The following USP8 variants were observed in gnomAD, a reference collection of about 807,000 sequenced individuals.
USP8 encodes ubiquitin specific peptidase 8.
A neutral mutation model predicts 130.0 loss-of-function variants in USP8; 27 were observed. That is an observed-to-expected ratio of 0.21 (90% CI 0.15 to 0.29). USP8 has a LOEUF of 0.29. USP8 is among the 10% of genes least tolerant of loss of function. USP8 has a pLI of 1.00. For missense variants in USP8, 1,029 were observed against 1,312.2 expected (o/e 0.78, Z 3.33); for synonymous variants, 392 against 444.1 (o/e 0.88, Z 1.48).
chr15:50,484,283 G>A lies in USP8; in HGVS notation c.1812G>A (p.Lys604=), dbSNP rs1161720705. The change falls in exon 12 of 20, where the codon AAG becomes AAA. Residue 604 remains lysine, a synonymous_variant. Coordinates refer to ENST00000307179, the MANE Select transcript of USP8 (RefSeq NM_005154.5). The part of the protein sequence containing the change: ...TGDSGSGKPF[K]IKGQPESGIL... ...TTTTAATAATTTTACAGCCATTTAA[G>A]ATTAAAGGACAACCAGAAAGTGGAA... The A allele has an allele frequency of 1.3e-5, 21 of 1,608,998 alleles. No homozygotes were observed. The highest frequency in any genetic ancestry group is 1.8e-5 in the Non-Finnish European group (21 of 1,178,016).
chr15:50,452,885 G>GT (rs1414024339), intron 4 of USP8, among the ~76,000 whole-genome samples: 3 of 152,148 alleles, frequency 2.0e-5, no homozygotes, highest in Admixed American at 1.3e-4. Flanking sequence ...TTCTTGTTCT[G>GT]TAACACCTTT....
chr15:50,459,047 A>C lies in USP8; in HGVS notation c.383A>C (p.Gln128Pro). The C allele has an allele frequency of 6.2e-7, 1 of 1,613,958 alleles. No homozygotes were observed. Among genetic ancestry groups the C allele is most frequent in the Non-Finnish European group, 8.5e-7 (1 of 1,180,028 alleles). ...VRKKLEEKDR[Q>P]EEAQRLQQKR... The stretch of plus-strand genomic sequence containing the variant: ...AAAAAACTTGAGGAAAAAGACAGGC[A>C]GGAGGAAGCACAGCGGCTACAACAA... The change falls in exon 5 of 20, where the codon CAG becomes CCG. Residue 128 changes from glutamine to proline, a missense_variant. Physicochemically the swap from Gln to Pro is moderately conservative, Grantham distance 76 (BLOSUM62 -1). Around this residue, in one of 4 missense-constraint regions of USP8, gnomAD observed 281 missense variants for 336.7 expected, o/e 0.83. Transcript: ENST00000307179.
intron 4 of USP8, 138 bp from the exon 5 acceptor site, chr15:50,458,862 T>G (rs1483882637): frequency 7.3e-6 from 7 of 960,350 alleles, no homozygotes; most frequent in Non-Finnish European, 1.1e-5. Context: ...GTGGCAGATG[T>G]GTGAATTGTG....
At chr15:50,462,927 T>C (rs554304346) in intron 6 of USP8, among the ~76,000 whole-genome samples, 1 of 151,360 alleles carries the variant, frequency 6.6e-6, no homozygotes, top group East Asian at 1.9e-4. Flanking sequence ...GACTAAATTA[T>C]TTAACAGTCA....
intron 14 of USP8, among the ~76,000 whole-genome samples, chr15:50,492,012 C>A (rs879942515): frequency 6.6e-6 from 1 of 152,136 alleles, no homozygotes; most frequent in Non-Finnish European, 1.5e-5. Flanking sequence ...TAGACGTCCA[C>A]TATCATGCCC....
intron 4 of USP8, among the ~76,000 whole-genome samples, chr15:50,457,634 AGGT>A (rs1212026957): frequency 1.3e-5 from 2 of 151,472 alleles, no homozygotes; most frequent in African/African-American, 4.8e-5. Context: ...AGGCTGAGGC[AGGT>A]GGGTCACCTG....
At chr15:50,493,426 C>T in intron 15 of USP8, 1 of 519,006 alleles carries the variant, frequency 1.9e-6, no homozygotes, top group South Asian at 1.4e-5. Context: ...CCAGAAAAGT[C>T]AAATTAGGAA....
At chr15:50,453,661 C>T (rs967690370) in intron 4 of USP8, among the ~76,000 whole-genome samples, 4 of 152,088 alleles carry the variant, frequency 2.6e-5, no homozygotes, top group African/African-American at 9.7e-5. Flanking sequence ...TTTATCTTTA[C>T]TGACTGTGGG....
At chr15:50,483,794 CAA>C (rs879692059) in intron 11 of USP8, among the ~76,000 whole-genome samples, 11 of 107,986 alleles carry the variant, frequency 1.0e-4, no homozygotes, top group African/African-American at 1.0e-4. Flanking sequence ...ACTCGGTCTC[CAA>C]AAAAAAAAAA....
At position 50,510,498 on chromosome 15, in the gene USP8, A is replaced by G. The variant is rs2052722105; in HGVS notation, c.*11410A>G. On this transcript the variant is annotated 3_prime_UTR_variant, in exon 20 of 20. Coordinates refer to ENST00000307179, the MANE Select transcript of USP8 (RefSeq NM_005154.5). ...AAAAAAAAAAACCTTGTGACAATTG[A>G]TATTTGAATATGAATCTATGAATAT... The G allele has an allele frequency of 6.6e-6, 1 of 152,070 alleles. No individual in the cohort carries two copies. Among genetic ancestry groups the G allele is most frequent in the African/African-American group, 2.4e-5 (1 of 41,414 alleles). The allele number at this position is 152,070 out of a possible 1,614,324, so 9.4% of individuals were successfully genotyped here. A position where few individuals can be genotyped will look rare whatever the true frequency, so the allele number is the denominator to read the frequency against.
At chr15:50,428,369 G>A (rs149134323) in intron 1 of USP8, among the ~76,000 whole-genome samples, 35 of 151,818 alleles carry the variant, frequency 2.3e-4, no homozygotes, top group African/African-American at 7.7e-4. Flanking sequence ...CACCTGCCTC[G>A]GCCTCCCAAA....
At chr15:50,436,050 C>G (rs2141250474) in intron 1 of USP8, among the ~76,000 whole-genome samples, 1 of 152,130 alleles carries the variant, frequency 6.6e-6, no homozygotes, top group East Asian at 1.9e-4. Flanking sequence ...TTTTCCCTAT[C>G]TAGTTTGTCA....
At chr15:50,495,475 G>A (rs1347912485) in intron 16 of USP8, among the ~76,000 whole-genome samples, 1 of 129,516 alleles carries the variant, frequency 7.7e-6, no homozygotes, top group Non-Finnish European at 1.6e-5. Flanking sequence ...TCTTTTTTTA[G>A]TAGAGATTGG....
chr15:50,492,120 C>T (rs2052197516), intron 14 of USP8, among the ~76,000 whole-genome samples: 1 of 152,054 alleles, frequency 6.6e-6, no homozygotes, highest in Non-Finnish European at 1.5e-5. Flanking sequence ...CCTCGGCCTC[C>T]CAAAGTGGTG....
In USP8 at chr15:50,465,185, G is replaced by T. The variant is rs747318682; in HGVS notation, c.680G>T (p.Ser227Ile). ...CTCAGTGTTCCTGAAGAAGCCATCAGTCCAGGGTGGGTTATTGTGTAGTAA... is the reference window on the plus strand; with the variant it reads ...CTCAGTGTTCCTGAAGAAGCCATCATTCCAGGGTGGGTTATTGTGTAGTAA... ...HSLSVPEEAISPGVTASWIEA... is the reference protein window; with the variant it reads ...HSLSVPEEAIIPGVTASWIEA... The change falls in exon 7 of 20, where the codon AGT (serine) becomes ATT (isoleucine). Residue 227 changes from serine (S) to isoleucine (I), a missense_variant. Coordinates refer to ENST00000307179, the MANE Select transcript of USP8 (RefSeq NM_005154.5). 3 of 1,613,464 alleles carry T rather than the reference G, an allele frequency of 1.9e-6. No homozygotes were observed. In the South Asian group the frequency reaches 3.3e-5, roughly 18 times the overall value.
At chr15:50,484,623 A>G (rs914338646) in intron 12 of USP8, among the ~76,000 whole-genome samples, 1 of 152,226 alleles carries the variant, frequency 6.6e-6, no homozygotes, top group Admixed American at 6.5e-5. Context: ...AGGCCTTACC[A>G]TATGATCCAG....
At chr15:50,478,915 C>T (rs545510223) in intron 10 of USP8, among the ~76,000 whole-genome samples, 1 of 151,992 alleles carries the variant, frequency 6.6e-6, no homozygotes, top group East Asian at 1.9e-4. Context: ...ATTAGCCAGG[C>T]GTGGTGGTGC....
chr15:50,484,430 T>C, intron 12 of USP8, 69 bp downstream of exon 12: 1 of 1,200,400 alleles, frequency 8.3e-7, no homozygotes, highest in Non-Finnish European at 1.2e-6. Context: ...TGTGATTATC[T>C]TACCACACTG....
intron 11 of USP8, 104 bp downstream of exon 11, chr15:50,482,169 C>CT: frequency 9.2e-7 from 1 of 1,091,376 alleles, no homozygotes; most frequent in South Asian, 2.1e-5. Context: ...TTCAAATAGT[C>CT]TTTTCAGGGG....
Sources: gnomAD v4.1 joint callset for allele counts (sites outside exome capture counted in the v4.1 genomes callset) on GRCh38, gnomAD v4.1.1 for gene constraint, gnomAD v4.1.1 regional missense constraint, MANE v1.5 for transcripts, NCBI Gene and HGNC (gene_info 2026-07-23, HGNC 2026-07-21) for gene names.